RBM20: variants seen among roughly 807,000 people sequenced by gnomAD.
RBM20 encodes RNA binding motif protein 20.
In RBM20, 51 loss-of-function variants were observed where a neutral mutation model predicts 110.1. The observed-to-expected ratio is 0.46, with a 90% CI of 0.37 to 0.59. RBM20 has a LOEUF of 0.59. Among genes scored for constraint, RBM20 ranks in the 20% least tolerant of loss-of-function variants. RBM20 has a pLI of 0.00. For synonymous variants in RBM20, 589 were observed against 618.2 expected (o/e 0.95, Z 0.70); for missense variants, 1,512 against 1,574.9 (o/e 0.96, Z 0.68).
At chr10:110,829,138 C>T (rs182497054) in intron 12 of RBM20, among the ~76,000 whole-genome samples, 99 of 152,326 alleles carry the variant, frequency 6.5e-4, no homozygotes, top group African/African-American at 2.2e-3. Flanking sequence ...TCAAAGCTCT[C>T]CTTTTTTCCC....
At chr10:110,795,729 T>C (rs1005282698) in intron 5 of RBM20, among the ~76,000 whole-genome samples, 5 of 152,226 alleles carry the variant, frequency 3.3e-5, no homozygotes, top group Admixed American at 6.5e-5. Context: ...CGGAAAATTA[T>C]ATCCTTCTCT....
intron 9 of RBM20, among the ~76,000 whole-genome samples, chr10:110,817,368 C>CA (rs1564662954): frequency 1.8e-4 from 27 of 152,284 alleles, no homozygotes; most frequent in African/African-American, 6.5e-4. Flanking sequence ...CAGAGTGTAA[C>CA]CCCTGGTATA....
At chr10:110,775,645 T>A (rs1590670736) in intron 1 of RBM20, among the ~76,000 whole-genome samples, 1 of 152,116 alleles carries the variant, frequency 6.6e-6, no homozygotes, top group Non-Finnish European at 1.5e-5. Flanking sequence ...CTCCCTATGA[T>A]GATGATAGTG....
intron 5 of RBM20, among the ~76,000 whole-genome samples, chr10:110,788,974 A>T (rs2135057937): frequency 6.6e-6 from 1 of 152,362 alleles, no homozygotes; most frequent in Admixed American, 6.5e-5. Flanking sequence ...GAGGGGAATG[A>T]AATTCCCCGG....
At chr10:110,653,408 T>G (rs972775727) in intron 1 of RBM20, among the ~76,000 whole-genome samples, 4 of 152,246 alleles carry the variant, frequency 2.6e-5, no homozygotes, top group Non-Finnish European at 5.9e-5. Flanking sequence ...CTGAACTATT[T>G]GAAAGTAATT....
chr10:110,738,186 G>A (rs1215824941), intron 1 of RBM20, among the ~76,000 whole-genome samples: 1 of 152,164 alleles, frequency 6.6e-6, no homozygotes, highest in Non-Finnish European at 1.5e-5. Context: ...CTTACTGTTA[G>A]GTTTTTTAAA....
chr10:110,681,052 T>G (rs975137316), intron 1 of RBM20, among the ~76,000 whole-genome samples: 1 of 152,220 alleles, frequency 6.6e-6, no homozygotes, highest in Non-Finnish European at 1.5e-5. Flanking sequence ...ACTTGCTTGA[T>G]AGAAGAGAAA....
rs1232277825 is a variant in RBM20, at chr10:110,838,476, T to A, written c.*2498T>A. 1 of 152,242 alleles carries A rather than the reference T, an allele frequency of 6.6e-6. No individual in the cohort carries two copies. The highest frequency in any genetic ancestry group is 1.5e-5 in the Non-Finnish European group (1 of 68,048). The allele number at this position is 152,242 out of a possible 1,614,324, so 9.4% of individuals were successfully genotyped here. ...TGATCTTGTGTGTCTTTCTTCCTACTGAAGGGAATTGTGGGGGCAGTTCTT... is the reference window on the plus strand; with the variant it reads ...TGATCTTGTGTGTCTTTCTTCCTACAGAAGGGAATTGTGGGGGCAGTTCTT... On this transcript the variant is annotated 3_prime_UTR_variant, in exon 14 of 14. Coordinates refer to ENST00000369519, the MANE Select transcript of RBM20 (RefSeq NM_001134363.3).
In RBM20 at chr10:110,812,377, C is replaced by A; in HGVS notation, c.1980C>A (p.Ser660Arg). Residue 660 changes from serine (S) to arginine (R), a missense_variant, in exon 9 of 14, where the codon AGC (serine) becomes AGA (arginine). Physicochemically the swap from Ser to Arg is moderately radical, Grantham distance 110. Coordinates refer to ENST00000369519, the MANE Select transcript of RBM20 (RefSeq NM_001134363.3). Reference sequence around the variant, plus strand: ...TCACCTCCTGCAGCTCTTCCCACAGCCCTCCGGGCCCCTCCCGGGCTGACT... The same window carrying A: ...TCACCTCCTGCAGCTCTTCCCACAGACCTCCGGGCCCCTCCCGGGCTGACT... ...PSFTSCSSSH[S>R]PPGPSRADWG... is the part of the protein sequence containing the mutation. 1 of 1,551,654 alleles carries A rather than the reference C, an allele frequency of 6.4e-7. No individual in the cohort carries two copies. Among genetic ancestry groups the A allele is most frequent in the Admixed American group, 2.0e-5 (1 of 51,012 alleles).
chr10:110,712,909 T>C (rs375508783), intron 1 of RBM20, among the ~76,000 whole-genome samples: 1 of 152,270 alleles, frequency 6.6e-6, no homozygotes, highest in Non-Finnish European at 1.5e-5. Flanking sequence ...CCAACACATC[T>C]ATTACACCCT....
intron 1 of RBM20, among the ~76,000 whole-genome samples, chr10:110,669,444 C>T (rs1018968595): frequency 6.6e-6 from 1 of 152,196 alleles, no homozygotes; most frequent in Admixed American, 6.5e-5. Flanking sequence ...ATCTGAAAAG[C>T]CTCTTATGGT....
chr10:110,652,551 T>C (rs1157453953), intron 1 of RBM20, among the ~76,000 whole-genome samples: 4 of 152,242 alleles, frequency 2.6e-5, no homozygotes, highest in African/African-American at 9.6e-5. Flanking sequence ...CACATTGGTA[T>C]TGCACTGTCT....
intron 1 of RBM20, among the ~76,000 whole-genome samples, chr10:110,684,876 C>T (rs1468438194): frequency 6.6e-6 from 1 of 152,130 alleles, no homozygotes; most frequent in African/African-American, 2.4e-5. Context: ...GGGAGCACTC[C>T]GCCGGCCCTG....
chr10:110,824,206 A>G (rs1844953960), intron 12 of RBM20, among the ~76,000 whole-genome samples: 2 of 152,176 alleles, frequency 1.3e-5, no homozygotes, highest in South Asian at 4.1e-4. Flanking sequence ...GGAATGCTTT[A>G]TTCTTGATGA....
Position 110,810,449 on chromosome 10 carries a change from C to T in RBM20, c.1867C>T (p.Arg623Trp), listed in dbSNP as rs794729148. Residue 623 changes from arginine to tryptophan, a missense_variant, in exon 8 of 14, where the codon CGG becomes TGG. Physicochemically the swap from Arg to Trp is moderately radical, Grantham distance 101 (BLOSUM62 -3). Coordinates refer to ENST00000369519, the MANE Select transcript of RBM20 (RefSeq NM_001134363.3). ...TTCCCAGAGGGAGAGGGACATGTTCCGGGAAGCAGACAGGTGAGGCCCCAA... is the reference window on the plus strand; with the variant it reads ...TTCCCAGAGGGAGAGGGACATGTTCTGGGAAGCAGACAGGTGAGGCCCCAA... ...IHSQRERDMF[R>W]EADRYGPERP... The T allele has an allele frequency of 2.6e-5, 41 of 1,551,222 alleles. No homozygotes were observed. Among genetic ancestry groups the T allele is most frequent in the Non-Finnish European group, 3.2e-5 (37 of 1,146,774 alleles).
At chr10:110,816,301 C>CA (rs1266470792) in intron 9 of RBM20, among the ~76,000 whole-genome samples, 13 of 149,790 alleles carry the variant, frequency 8.7e-5, no homozygotes, top group African/African-American at 3.2e-4. Context: ...ACACCCCACC[C>CA]AACCCCCTCA....
chr10:110,799,500 A>G (rs1206765499), intron 6 of RBM20, among the ~76,000 whole-genome samples: 1 of 152,210 alleles, frequency 6.6e-6, no homozygotes, highest in African/African-American at 2.4e-5. Flanking sequence ...TGCATAATGT[A>G]CACTCATCCT....
At position 110,837,733 on chromosome 10, in the gene RBM20, A is replaced by G. The variant is rs1164780880; in HGVS notation, c.*1755A>G. On this transcript the variant is annotated 3_prime_UTR_variant, in exon 14 of 14. Coordinates refer to ENST00000369519, the MANE Select transcript of RBM20 (RefSeq NM_001134363.3). ...ATGAAGAACATAAAATGATCAGTGT[A>G]AACCTGAAAGCACGCAGTCATTGGC... The G allele has an allele frequency of 1.3e-5, 2 of 152,260 alleles. No individual in the cohort carries two copies. Among genetic ancestry groups the G allele is most frequent in the Non-Finnish European group, 2.9e-5 (2 of 68,064 alleles). The allele number at this position is 152,260 out of a possible 1,614,324, so 9.4% of individuals were successfully genotyped here.
intron 1 of RBM20, among the ~76,000 whole-genome samples, chr10:110,757,507 A>G (rs1454220909): frequency 3.9e-5 from 6 of 152,234 alleles, no homozygotes; most frequent in Admixed American, 3.9e-4. Flanking sequence ...CTCACAGAAT[A>G]TGCGAAGTAT....
Sources: gnomAD v4.1 joint callset for allele counts (sites outside exome capture counted in the v4.1 genomes callset) on GRCh38, gnomAD v4.1.1 for gene constraint, MANE v1.5 for transcripts, NCBI Gene and HGNC (gene_info 2026-07-23, HGNC 2026-07-21) for gene names.